The following PPFIA1 variants were observed in gnomAD, a reference collection of about 807,000 sequenced individuals.
PPFIA1 encodes liprin-alpha-1.
Under a neutral mutation model 149.9 loss-of-function variants are expected in PPFIA1, and 25 were observed. That is an observed-to-expected ratio of 0.17 (90% confidence interval 0.12 to 0.23). The LOEUF (loss-of-function observed/expected upper bound fraction) is 0.23, where lower values mean the gene tolerates loss of function less well. Ranked by LOEUF, PPFIA1 falls within the 10% of genes least tolerant of loss-of-function variation. The pLI is 1.00. For missense variants in PPFIA1, 1,362 were observed against 1,506.5 expected, an observed-to-expected ratio of 0.90 and a Z score of 1.59; for synonymous variants, 549 against 552.8, an observed-to-expected ratio of 0.99 and a Z score of 0.10.
intron 21 of PPFIA1, among the ~76,000 whole-genome samples, chr11:70,370,050 A>G (rs2057153111): frequency 6.6e-6 from 1 of 151,410 alleles, no homozygotes; most frequent in Non-Finnish European, 1.5e-5. Flanking sequence ...CTCCTGGTTC[A>G]AGCAATTTTC....
intron 14 of PPFIA1, among the ~76,000 whole-genome samples, chr11:70,342,492 C>T (rs566200228): frequency 1.3e-5 from 2 of 152,322 alleles, no homozygotes; most frequent in Non-Finnish European, 2.9e-5. Context: ...CAGTCAGACA[C>T]GGCCACTCAG....
chr11:70,287,236 C>G (rs1468339164), intron 2 of PPFIA1, among the ~76,000 whole-genome samples: 2 of 152,102 alleles, frequency 1.3e-5, no homozygotes, highest in Non-Finnish European at 2.9e-5. Context: ...GCTGAAGACT[C>G]CTGTGTCATC....
intron 2 of PPFIA1, among the ~76,000 whole-genome samples, chr11:70,281,209 G>T (rs2050740755): frequency 6.6e-6 from 1 of 152,056 alleles, no homozygotes; most frequent in Non-Finnish European, 1.5e-5. Context: ...AAAAACTGTA[G>T]AAAGCGCTGG....
At chr11:70,275,988 T>C (rs1297329209) in intron 2 of PPFIA1, among the ~76,000 whole-genome samples, 1 of 152,230 alleles carries the variant, frequency 6.6e-6, no homozygotes, top group Non-Finnish European at 1.5e-5. Context: ...AATTCTCCTC[T>C]TCTTAGTTTG....
chr11:70,360,472 C>T (rs2056584112), intron 19 of PPFIA1, among the ~76,000 whole-genome samples: 1 of 152,258 alleles, frequency 6.6e-6, no homozygotes, highest in Non-Finnish European at 1.5e-5. Flanking sequence ...GCCCCGGACG[C>T]TCAAAGCCTT....
chr11:70,366,588 G>A (rs1284215035), intron 21 of PPFIA1, among the ~76,000 whole-genome samples: 10 of 152,112 alleles, frequency 6.6e-5, no homozygotes, highest in African/African-American at 2.4e-4. Flanking sequence ...AATGTCGTGC[G>A]ACGCCACTGG....
chr11:70,285,635 G>A (rs1452073190), intron 2 of PPFIA1, among the ~76,000 whole-genome samples: 3 of 148,176 alleles, frequency 2.0e-5, no homozygotes, highest in African/African-American at 7.5e-5. Context: ...AGCTGTGATC[G>A]CACCACTGCA....
intron 2 of PPFIA1, among the ~76,000 whole-genome samples, chr11:70,302,463 A>G (rs1452523174): frequency 6.6e-6 from 1 of 152,196 alleles, no homozygotes; most frequent in Non-Finnish European, 1.5e-5. Flanking sequence ...GGGCGGGCAG[A>G]GGGAGCACAC....
In PPFIA1 at chr11:70,383,527, ATTG is replaced by A. The variant is rs1261218901; in HGVS notation, c.*542_*544del. 3 of 156,704 alleles carry A rather than the reference ATTG, an allele frequency of 1.9e-5. No individual in the cohort carries two copies. Among genetic ancestry groups the A allele is most frequent in the Non-Finnish European group, 2.8e-5 (2 of 71,410 alleles). The allele number at this position is 156,704 out of a possible 1,614,324, so 9.7% of individuals were successfully genotyped here. A position where few individuals can be genotyped will look rare whatever the true frequency, so the allele number is the denominator to read the frequency against. ...AAATAAGCATACCTAATTTCAAGCA[ATTG>A]TTGTATTTTCATGACTGACCTTAAC... On this transcript the variant is annotated 3_prime_UTR_variant, in exon 28 of 28. Coordinates refer to ENST00000253925, the MANE Select transcript of PPFIA1 (RefSeq NM_003626.5).
Position 70,372,204 on chromosome 11 carries a change from A to T in PPFIA1, c.2866-11A>T. 6.3e-7 allele frequency: 1 copy of T among 1,589,056 alleles called. No homozygotes were observed. Among genetic ancestry groups the T allele is most frequent in the Non-Finnish European group, 8.6e-7 (1 of 1,169,498 alleles). On this transcript the variant is annotated splice_polypyrimidine_tract_variant and intron_variant, in intron 21 of 27. Transcript: ENST00000253925. The stretch of plus-strand genomic sequence containing the variant: ...CCTCTGTAACTGACCTTTTCCATTT[A>T]TGAAAAGCAGACACTCGCCTATGGG...
intron 2 of PPFIA1, among the ~76,000 whole-genome samples, chr11:70,290,896 CTTT>C (rs770358642): frequency 2.8e-4 from 42 of 151,974 alleles, no homozygotes; most frequent in Non-Finnish European, 5.0e-4. Flanking sequence ...CTTGAAATCT[CTTT>C]TTTTTGAGAC....
At position 70,326,578 on chromosome 11, in the gene PPFIA1, T is replaced by A. The variant is rs1266471461; in HGVS notation, c.709-19T>A. On this transcript the variant is annotated intron_variant, in intron 6 of 27. Coordinates refer to ENST00000253925, the MANE Select transcript of PPFIA1 (RefSeq NM_003626.5). Reference sequence around the variant, plus strand: ...TCACCAAACAAGGGTATTTAAGGATTTTTTTTTCCCCCTATCAGAGATCTT... The same window carrying A: ...TCACCAAACAAGGGTATTTAAGGATATTTTTTTCCCCCTATCAGAGATCTT... 1 of 1,578,988 alleles carries A rather than the reference T, an allele frequency of 6.3e-7. No individual in the cohort carries two copies. Among genetic ancestry groups the A allele is most frequent in the Admixed American group, 1.8e-5 (1 of 55,360 alleles).
chr11:70,356,176 C>T lies in PPFIA1; in HGVS notation c.2504C>T (p.Thr835Met), dbSNP rs753540447. 5.8e-5 allele frequency: 94 copies of T among 1,613,718 alleles called. No homozygotes were observed. The highest frequency in any genetic ancestry group is 7.3e-5 in the Non-Finnish European group (86 of 1,179,864). ...EALGQAGVSE[T>M]DNSSQDALGL... ...TTCCTCACAGCTGGTGTTTCCGAGA[C>T]GGATAACTCATCTCAGGATGCCTTG... The change falls in exon 19 of 28, where the codon ACG becomes ATG. Residue 835 changes from threonine (T) to methionine (M), a missense_variant. Physicochemically the swap from Thr to Met is moderately conservative, Grantham distance 81. This residue lies in a region of PPFIA1 where 91 missense variants were observed against 91.2 expected (regional missense o/e 1.00). Transcript: ENST00000253925.
At chr11:70,380,236 G>C (rs942398931) in intron 26 of PPFIA1, among the ~76,000 whole-genome samples, 2 of 149,962 alleles carry the variant, frequency 1.3e-5, no homozygotes, top group Non-Finnish European at 3.0e-5. Context: ...GGTGAGACCA[G>C]CCTGGCCAAC....
intron 19 of PPFIA1, among the ~76,000 whole-genome samples, chr11:70,360,466 C>T (rs987286191): frequency 5.9e-5 from 9 of 152,380 alleles, no homozygotes; most frequent in Non-Finnish European, 7.3e-5. Flanking sequence ...GGCCAGGCCC[C>T]GGACGCTCAA....
In PPFIA1 at chr11:70,319,755, T is replaced by C. The variant is rs1485765509; in HGVS notation, c.265-4647T>C. ...TGTTCTCTGAATGGCTGCCCACTTA[T>C]GACCTCACCGGCTTCCTCCATACAC... is the stretch of plus-strand genomic sequence containing the variant. On this transcript the variant is annotated intron_variant, in intron 2 of 27. Coordinates refer to ENST00000253925, the MANE Select transcript of PPFIA1 (RefSeq NM_003626.5). 4.6e-5 allele frequency among the ~76,000 whole-genome samples: 7 copies of C among 152,358 alleles called. No homozygotes were observed. In the South Asian group the frequency reaches 6.2e-4, roughly 14 times the overall value.
rs777009678 is a variant in PPFIA1 at position 70,296,621 on chromosome 11, A to C, written c.264+24185A>C. On this transcript the variant is annotated intron_variant, in intron 2 of 27. Transcript: ENST00000253925. ...CAGGCAGGGAGGTTGCAGTGAGCCG[A>C]GATGGCAGCAGTACAGTCCAGCTTC... Among the ~76,000 whole-genome samples, 624 of 151,636 alleles carry C rather than the reference A, an allele frequency of 4.1e-3. 5 individuals carry two copies. The highest frequency in any genetic ancestry group is 0.024 in the Middle Eastern group (7 of 294).
In PPFIA1 at chr11:70,336,323, C is replaced by G. The variant is rs191715820; in HGVS notation, c.1428+629C>G. ...TCAAGACCAGCCTGGCCAACATGGC[C>G]AAACGCCATCTCTACTAAAAATATA... On this transcript the variant is annotated intron_variant, in intron 11 of 27. Coordinates refer to ENST00000253925, the MANE Select transcript of PPFIA1 (RefSeq NM_003626.5). Among the ~76,000 whole-genome samples the G allele has an allele frequency of 2.5e-3, 378 of 152,146 alleles. 3 individuals carry two copies. Among genetic ancestry groups the G allele is most frequent in the Non-Finnish European group, 3.1e-3 (209 of 67,984 alleles).
chr11:70,364,287 G>T (rs2056809112), intron 21 of PPFIA1: 1 of 152,158 alleles, frequency 6.6e-6, no homozygotes, highest in South Asian at 2.1e-4. Flanking sequence ...TCTCCATGTG[G>T]GAAGTCCCTC....
Sources: gnomAD v4.1 joint callset for allele counts (sites outside exome capture counted in the v4.1 genomes callset) on GRCh38, gnomAD v4.1.1 for gene constraint, gnomAD v4.1.1 regional missense constraint, MANE v1.5 for transcripts, NCBI Gene and HGNC (gene_info 2026-07-23, HGNC 2026-07-21) for gene names.